The following GPR61 variants were observed in gnomAD, a reference collection of about 807,000 sequenced individuals.
GPR61 encodes G protein-coupled receptor 61.
A neutral mutation model predicts 29.2 loss-of-function variants in GPR61; 15 were observed. The ratio of observed to expected loss-of-function variants is 0.51; its 90% CI spans 0.34 to 0.79. The LOEUF (loss-of-function observed/expected upper bound fraction) is 0.79. GPR61 is among the 30% of genes least tolerant of loss of function. The pLI is 0.01. For missense variants in GPR61, 399 were observed against 582.5 expected (o/e 0.69, Z 3.24); for synonymous variants, 238 against 242.3 (o/e 0.98, Z 0.17).
intron 1 of GPR61, among the ~76,000 whole-genome samples, chr1:109,540,245 C>T (rs1647593505): frequency 6.6e-6 from 1 of 152,136 alleles, no homozygotes; most frequent in Non-Finnish European, 1.5e-5. Flanking sequence ...CATGGGTCTC[C>T]CACATTCTAG....
At position 109,542,699 on chromosome 1, in the gene GPR61, A is replaced by G; in HGVS notation, c.-324A>G. On this transcript the variant is annotated 5_prime_UTR_variant, in exon 2 of 2. The change abolishes an upstream ATG in the 5' untranslated region. Transcript: ENST00000527748. Reference sequence around the variant, plus strand: ...GGAGAACAAGAATGGCAGAAAGGAGATGGAAAAGGAAGAGGTGAAGGCCAT... The same window carrying G: ...GGAGAACAAGAATGGCAGAAAGGAGGTGGAAAAGGAAGAGGTGAAGGCCAT... The G allele has an allele frequency of 1.8e-6, 1 of 556,204 alleles. No individual in the cohort carries two copies. Among genetic ancestry groups the G allele is most frequent in the Non-Finnish European group, 3.4e-6 (1 of 292,218 alleles). The allele number at this position is 556,204 out of a possible 1,614,324, so 34.5% of individuals were successfully genotyped here.
Position 109,546,227 on chromosome 1 carries a change from C to CAA in GPR61, c.*1850_*1851insAA, listed in dbSNP as rs1647794078. The CAA allele has an allele frequency of 6.6e-6, 1 of 152,152 alleles. No individual in the cohort carries two copies. The highest frequency in any genetic ancestry group is 1.5e-5 in the Non-Finnish European group (1 of 68,036). 9.4% of individuals were successfully genotyped at this position (152,152 alleles called of 1,614,324 possible). ...GAAAATTTCTAGGTTGTCTTCCTAC[C>CAA]ACTAGATTATTATACCAGTCTAGTG... On this transcript the variant is annotated 3_prime_UTR_variant, in exon 2 of 2. Transcript: ENST00000527748.
At position 109,540,614 on chromosome 1, in the gene GPR61, G is replaced by A. The variant is rs778124333; in HGVS notation, c.-602+661G>A. On this transcript the variant is annotated intron_variant, in intron 1 of 1. Coordinates refer to ENST00000527748, the MANE Select transcript of GPR61 (RefSeq NM_001393907.1). ...CTGTTGGAAGTAAGTAGTGGGGGAA[G>A]GAAAGCATCTGTTGGGGGAGTAGGC... Among the ~76,000 whole-genome samples, 5 of 150,856 alleles carry A rather than the reference G, an allele frequency of 3.3e-5. No homozygotes were observed. The South Asian group carries it at 8.3e-4, about 25-fold the overall frequency.
chr1:109,543,016 C>T lies in GPR61; in HGVS notation c.-7C>T, dbSNP rs760205943. Reference sequence around the variant, plus strand: ...AGGAGGTACCCTGGGTGCCCTCTTTCGGCCCCATGGAGTCCTCACCCATCC... The same window carrying T: ...AGGAGGTACCCTGGGTGCCCTCTTTTGGCCCCATGGAGTCCTCACCCATCC... On this transcript the variant is annotated 5_prime_UTR_variant, in exon 2 of 2. Transcript: ENST00000527748. This position sits in a 1 kb window ranked among gnomAD's most constrained non-coding sequence, Gnocchi z 6.8. The T allele has an allele frequency of 1.4e-5, 22 of 1,545,394 alleles. No homozygotes were observed. Among genetic ancestry groups the T allele is most frequent in the East Asian group, 9.0e-5 (4 of 44,250 alleles).
chr1:109,546,670 G>A lies in GPR61; in HGVS notation c.*2292G>A, dbSNP rs1253057336. 1 of 152,150 alleles carries A rather than the reference G, an allele frequency of 6.6e-6. No individual in the cohort carries two copies. Among genetic ancestry groups the A allele is most frequent in the African/African-American group, 2.4e-5 (1 of 41,434 alleles). The allele number at this position is 152,150 out of a possible 1,614,324, so 9.4% of individuals were successfully genotyped here. On this transcript the variant is annotated 3_prime_UTR_variant, in exon 2 of 2. Transcript: ENST00000527748. ...ATTTCCTGACACTGTGATCTCACTG[G>A]TGTTTATTACAGAGTTTGACATACA...
chr1:109,540,654 TG>T (rs1167057395), intron 1 of GPR61, among the ~76,000 whole-genome samples: 1 of 152,148 alleles, frequency 6.6e-6, no homozygotes, highest in East Asian at 1.9e-4. Flanking sequence ...TGATATGACC[TG>T]GGAGAGGAGT....
chr1:109,543,242 C>T lies in GPR61; in HGVS notation c.220C>T (p.Arg74Ter). Residue 74 changes from arginine (R) to a stop codon, truncating the protein, a stop_gained, in exon 2 of 2, where the codon CGA becomes TGA. Coordinates refer to ENST00000527748, the MANE Select transcript of GPR61 (RefSeq NM_001393907.1). LOFTEE classifies it high-confidence loss of function. This position sits in a 1 kb window ranked among gnomAD's most constrained non-coding sequence, Gnocchi z 6.8. ...MAVIAKTPAL[R>*]KFVFVFHLCL... The stretch of plus-strand genomic sequence containing the variant: ...CGTGATCGCCAAGACGCCTGCCCTC[C>T]GAAAATTTGTCTTCGTCTTCCACCT... 6.2e-7 allele frequency: 1 copy of T among 1,614,142 alleles called. No individual in the cohort carries two copies. Among genetic ancestry groups the T allele is most frequent in the Non-Finnish European group, 8.5e-7 (1 of 1,180,018 alleles).
chr1:109,543,179 G>C lies in GPR61; in HGVS notation c.157G>C (p.Asp53His), dbSNP rs1017894237. ...GGCCCTCTTCTTCATGCTCCTGCTG[G>C]ACTTGACTGCTGTGGCTGGCAATGC... ...SVALFFMLLLDLTAVAGNAAV... is the reference protein window; with the variant it reads ...SVALFFMLLLHLTAVAGNAAV... The change falls in exon 2 of 2, where the codon GAC becomes CAC. Residue 53 changes from aspartate to histidine, a missense_variant. By Grantham distance (81) the Asp-to-His change is moderately conservative (BLOSUM62 -1). This residue lies in a region of GPR61 where 78 missense variants were observed against 101.0 expected (regional missense o/e 0.77). Coordinates refer to ENST00000527748, the MANE Select transcript of GPR61 (RefSeq NM_001393907.1). The surrounding 1 kb of genome is among the most constrained non-coding windows in gnomAD (Gnocchi z 6.8). The C allele has an allele frequency of 6.2e-7, 1 of 1,613,804 alleles. No homozygotes were observed. The highest frequency in any genetic ancestry group is 8.5e-7 in the Non-Finnish European group (1 of 1,179,806).
rs1647770249 is a variant in GPR61 at position 109,545,440 on chromosome 1, C to T, written c.*1062C>T. ...CCATGATCCATTAAATGCCTTCCTA[C>T]TCCCATTCATCGCTCTCAAAATTAG... On this transcript the variant is annotated 3_prime_UTR_variant, in exon 2 of 2. Transcript: ENST00000527748. 1 of 152,208 alleles carries T rather than the reference C, an allele frequency of 6.6e-6. No homozygotes were observed. Among genetic ancestry groups the T allele is most frequent in the Non-Finnish European group, 1.5e-5 (1 of 68,034 alleles). The allele number at this position is 152,208 out of a possible 1,614,324, so 9.4% of individuals were successfully genotyped here. A position where few individuals can be genotyped will look rare whatever the true frequency, so the allele number is the denominator to read the frequency against.
chr1:109,540,370 G>T (rs113121424), intron 1 of GPR61, among the ~76,000 whole-genome samples: 2 of 152,176 alleles, frequency 1.3e-5, no homozygotes, highest in Non-Finnish European at 2.9e-5. Context: ...GGAGGGGCAC[G>T]CTCTTGTCTG....
Position 109,545,640 on chromosome 1 carries a change from C to T in GPR61, c.*1262C>T, listed in dbSNP as rs552969492. 1 of 152,338 alleles carries T rather than the reference C, an allele frequency of 6.6e-6. No individual in the cohort carries two copies. Among genetic ancestry groups the T allele is most frequent in the Non-Finnish European group, 1.5e-5 (1 of 68,044 alleles). 9.4% of individuals were successfully genotyped at this position (152,338 alleles called of 1,614,324 possible). On this transcript the variant is annotated 3_prime_UTR_variant, in exon 2 of 2. Transcript: ENST00000527748. ...ACTGCAAACTGGACAGGACACCCAT[C>T]TGGGACCACCTGTCCATCCTACTTC...
In GPR61 at chr1:109,545,942, G is replaced by A. The variant is rs923707506; in HGVS notation, c.*1564G>A. ...GGCGTGTGGTCATTGCTTTTAAGGA[G>A]TTCATAGTCTAAGTTGATGAGATAC... On this transcript the variant is annotated 3_prime_UTR_variant, in exon 2 of 2. Coordinates refer to ENST00000527748, the MANE Select transcript of GPR61 (RefSeq NM_001393907.1). The A allele has an allele frequency of 5.9e-5, 9 of 152,244 alleles. No homozygotes were observed. Among genetic ancestry groups the A allele is most frequent in the African/African-American group, 2.2e-4 (9 of 41,452 alleles). 9.4% of individuals were successfully genotyped at this position (152,244 alleles called of 1,614,324 possible).
chr1:109,545,740 C>T lies in GPR61; in HGVS notation c.*1362C>T, dbSNP rs952012070. ...GGTGTGGTCTCTATTTGAACAAATT[C>T]CTGGCTCACTGAGCATCAAAAGGGG... On this transcript the variant is annotated 3_prime_UTR_variant, in exon 2 of 2. Transcript: ENST00000527748. The T allele has an allele frequency of 6.6e-6, 1 of 152,212 alleles. No homozygotes were observed. Among genetic ancestry groups the T allele is most frequent in the Non-Finnish European group, 1.5e-5 (1 of 68,042 alleles). 9.4% of individuals were successfully genotyped at this position (152,212 alleles called of 1,614,324 possible).
rs753062500 is a variant in GPR61 at position 109,542,918 on chromosome 1, C to T, written c.-105C>T. ...AGGCTCCAGTGGGAGGTGCCCCCTA[C>T]GAAACCAGGAAGCCTGGGCCTGGGC... On this transcript the variant is annotated 5_prime_UTR_variant, in exon 2 of 2. In the 5' UTR this introduces an upstream ATG that the reference lacks. Coordinates refer to ENST00000527748, the MANE Select transcript of GPR61 (RefSeq NM_001393907.1). 20 of 1,509,622 alleles carry T rather than the reference C, an allele frequency of 1.3e-5. No homozygotes were observed. The highest frequency in any genetic ancestry group is 5.5e-5 in the African/African-American group (4 of 72,182). 93.5% of individuals were successfully genotyped at this position (1,509,622 alleles called of 1,614,324 possible).
rs1400327172 is a variant in GPR61, at chr1:109,543,103, T to A, written c.81T>A (p.Thr27=). ...GRVPQTPGPS[T]ASGVPEVGLR... is the part of the protein sequence containing the mutation. The stretch of plus-strand genomic sequence containing the variant: ...TCCCTCAAACCCCAGGTCCCTCTAC[T>A]GCCAGTGGGGTCCCGGAGGTGGGGC... Residue 27 remains threonine, a synonymous_variant, in exon 2 of 2, where the codon ACT becomes ACA. Coordinates refer to ENST00000527748, the MANE Select transcript of GPR61 (RefSeq NM_001393907.1). This position sits in a 1 kb window ranked among gnomAD's most constrained non-coding sequence, Gnocchi z 6.8. 6.3e-7 allele frequency: 1 copy of A among 1,576,078 alleles called. No homozygotes were observed.
intron 1 of GPR61, among the ~76,000 whole-genome samples, chr1:109,540,662 G>C (rs1460943299): frequency 1.3e-5 from 2 of 152,148 alleles, no homozygotes; most frequent in Non-Finnish European, 2.9e-5. Context: ...CCTGGGAGAG[G>C]AGTGAGGCTC....
intron 1 of GPR61, among the ~76,000 whole-genome samples, chr1:109,541,165 C>G (rs1316582883): frequency 6.6e-6 from 1 of 152,198 alleles, no homozygotes; most frequent in Non-Finnish European, 1.5e-5. Flanking sequence ...TGTGCCCGCT[C>G]TTCAACTTCT....
chr1:109,542,513 C>T lies in GPR61; in HGVS notation c.-510C>T. ...GAAACTAAATTTTGTGCTCCTTCTA[C>T]TCCCCAGCAGCTCTTGCCATTCTGA... On this transcript the variant is annotated 5_prime_UTR_variant, in exon 2 of 2. Transcript: ENST00000527748. The T allele has an allele frequency of 2.9e-6, 1 of 339,202 alleles. No individual in the cohort carries two copies. 21.0% of individuals were successfully genotyped at this position (339,202 alleles called of 1,614,324 possible). A position where few individuals can be genotyped will look rare whatever the true frequency, so the allele number is the denominator to read the frequency against.
rs2101078122 is a variant in GPR61 at position 109,542,859 on chromosome 1, C to A, written c.-164C>A. ...AGCTTCTGATCCTTCAGCTGCCTGGCCTGGCGCTCTGTACGCAGACAAACC... is the reference window on the plus strand; with the variant it reads ...AGCTTCTGATCCTTCAGCTGCCTGGACTGGCGCTCTGTACGCAGACAAACC... On this transcript the variant is annotated 5_prime_UTR_variant, in exon 2 of 2. Transcript: ENST00000527748. The A allele has an allele frequency of 1.1e-6, 1 of 944,650 alleles. No individual in the cohort carries two copies. The highest frequency in any genetic ancestry group is 1.7e-6 in the Non-Finnish European group (1 of 603,880). 58.5% of individuals were successfully genotyped at this position (944,650 alleles called of 1,614,324 possible). A position where few individuals can be genotyped will look rare whatever the true frequency, so the allele number is the denominator to read the frequency against.
Sources: allele counts gnomAD v4.1 joint callset (sites outside exome capture counted in the v4.1 genomes callset), GRCh38; gene constraint gnomAD v4.1.1; regional missense constraint gnomAD v4.1.1; non-coding constraint Gnocchi (gnomAD v3.1); transcripts MANE v1.5; gene names NCBI Gene and HGNC (gene_info 2026-07-23, HGNC 2026-07-21).